OPRM1: variants seen among roughly 807,000 people sequenced by gnomAD.
OPRM1 encodes the protein opioid receptor mu 1.
In OPRM1, 27 loss-of-function variants were observed where a neutral mutation model predicts 31.8. The observed-to-expected ratio is 0.85, with a 90% CI of 0.63 to 1.17. The LOEUF (loss-of-function observed/expected upper bound fraction) is 1.17. OPRM1 is among the 50% of genes most tolerant of loss of function. OPRM1 has a pLI of 0.00. For missense variants in OPRM1, 536 were observed against 511.1 expected, an observed-to-expected ratio of 1.05 and a Z score of -0.47; for synonymous variants, 196 against 189.9, an observed-to-expected ratio of 1.03 and a Z score of -0.26.
chr6:154,039,887 C>CA, intron 1 of OPRM1, 53 bp downstream of exon 1: 1 of 1,467,586 alleles, frequency 6.8e-7, no homozygotes, highest in Non-Finnish European at 9.1e-7. Context: ...TAAGGGGGTA[C>CA]AAAGAGACAC....
chr6:154,195,205 T>G (rs544325982), intron 3 of OPRM1, among the ~76,000 whole-genome samples: 1 of 148,528 alleles, frequency 6.7e-6, no homozygotes, highest in Admixed American at 6.8e-5. Flanking sequence ...TGGAGTGCAG[T>G]GGCACGATCT....
At chr6:154,146,516 T>C (rs1798362075) in intron 3 of OPRM1, among the ~76,000 whole-genome samples, 1 of 152,250 alleles carries the variant, frequency 6.6e-6, no homozygotes, top group Admixed American at 6.5e-5. Flanking sequence ...AGGTATATAA[T>C]GGAGTACTTT....
intron 3 of OPRM1, among the ~76,000 whole-genome samples, chr6:154,209,236 CCAA>C (rs1777758746): frequency 1.3e-5 from 2 of 151,972 alleles, no homozygotes; most frequent in Admixed American, 6.6e-5. Flanking sequence ...AGTACATCAC[CCAA>C]AATAAAATTT....
chr6:154,233,747 C>A (rs991269236), intron 3 of OPRM1, among the ~76,000 whole-genome samples: 21 of 152,144 alleles, frequency 1.4e-4, no homozygotes, highest in Admixed American at 1.2e-3. Flanking sequence ...CCTGTCCTTA[C>A]CACCCAGGGC....
rs374499666 is a variant in OPRM1 at position 154,091,009 on chromosome 6, T to C, written c.701T>C (p.Leu234Pro). 6.2e-7 allele frequency: 1 copy of C among 1,614,118 alleles called. No individual in the cohort carries two copies. Among genetic ancestry groups the C allele is most frequent in the African/African-American group, 1.3e-5 (1 of 75,066 alleles). The change falls in exon 3 of 4, where the codon CTG (leucine) becomes CCG (proline). Residue 234 changes from leucine to proline, a missense_variant. Transcript: ENST00000330432. ...SHPTWYWENL[L>P]KICVFIFAFI... Reference sequence around the variant, plus strand: ...CCAACCTGGTACTGGGAAAACCTGCTGAAGATCTGTGTTTTCATCTTCGCC... The same window carrying C: ...CCAACCTGGTACTGGGAAAACCTGCCGAAGATCTGTGTTTTCATCTTCGCC...
intron 1 of OPRM1, among the ~76,000 whole-genome samples, chr6:154,055,908 T>C (rs1323235898): frequency 6.6e-6 from 1 of 152,232 alleles, no homozygotes; most frequent in Non-Finnish European, 1.5e-5. Context: ...GCTAACTGCA[T>C]GTGACAAAAC....
chr6:154,078,890 A>AG (rs1463206314), intron 1 of OPRM1, among the ~76,000 whole-genome samples: 1 of 152,090 alleles, frequency 6.6e-6, no homozygotes, highest in African/African-American at 2.4e-5. Flanking sequence ...GAGGGGGAAA[A>AG]AAAATCATCC....
chr6:154,159,163 C>G (rs928077202), intron 3 of OPRM1: 2 of 152,358 alleles, frequency 1.3e-5, no homozygotes, highest in Non-Finnish European at 2.9e-5. Context: ...AAACATTAAT[C>G]AGATCCCCTA....
rs1358623009 is a variant in OPRM1, at chr6:154,126,617, A to T, written c.*7896A>T. Among the ~76,000 whole-genome samples, 1 of 152,092 alleles carries T rather than the reference A, an allele frequency of 6.6e-6. No homozygotes were observed. The highest frequency in any genetic ancestry group is 1.9e-4 in the East Asian group (1 of 5,188). The stretch of plus-strand genomic sequence containing the variant: ...TGTCACCACCCTACACTGCTGTGAC[A>T]CCGAAACAACCAAGCCTAGAATCAG... On this transcript the variant is annotated 3_prime_UTR_variant, in exon 4 of 4. Coordinates refer to ENST00000330432, the MANE Select transcript of OPRM1 (RefSeq NM_000914.5).
intron 1 of OPRM1, among the ~76,000 whole-genome samples, chr6:154,089,096 G>C (rs1301474337): frequency 6.6e-6 from 1 of 152,084 alleles, no homozygotes; most frequent in Non-Finnish European, 1.5e-5. Flanking sequence ...CTGTGTGTTT[G>C]TATGTGCATG....
In OPRM1 at chr6:154,118,882, T is replaced by C; in HGVS notation, c.*161T>C. 6.9e-7 allele frequency: 1 copy of C among 1,447,532 alleles called. No individual in the cohort carries two copies. The highest frequency in any genetic ancestry group is 1.5e-5 in the South Asian group (1 of 65,310). 89.7% of individuals were successfully genotyped at this position (1,447,532 alleles called of 1,614,324 possible). A position where few individuals can be genotyped will look rare whatever the true frequency, so the allele number is the denominator to read the frequency against. Reference sequence around the variant, plus strand: ...TCTCTGGCCACTCTGCTCTGCACATTAGAGGGACAGCCAAAAGTAAGTGGA... The same window carrying C: ...TCTCTGGCCACTCTGCTCTGCACATCAGAGGGACAGCCAAAAGTAAGTGGA... On this transcript the variant is annotated 3_prime_UTR_variant, in exon 4 of 4. Coordinates refer to ENST00000330432, the MANE Select transcript of OPRM1 (RefSeq NM_000914.5).
At chr6:154,166,729 T>G (rs1040254873) in intron 3 of OPRM1, among the ~76,000 whole-genome samples, 1 of 152,214 alleles carries the variant, frequency 6.6e-6, no homozygotes, top group East Asian at 1.9e-4. Context: ...CAGGAAATAC[T>G]TGCTCAATGA....
At chr6:154,223,350 A>C in intron 3 of OPRM1, 1 of 869,476 alleles carries the variant, frequency 1.2e-6, no homozygotes, top group Non-Finnish European at 1.9e-6. Context: ...CATGAGGGAG[A>C]ATCAAGAGAT....
At chr6:154,094,246 G>C (rs1245637208) in intron 3 of OPRM1, 11 of 1,285,298 alleles carry the variant, frequency 8.6e-6, no homozygotes, top group African/African-American at 1.5e-5. Context: ...CAGGGTGTCT[G>C]TATTCTGACA....
intron 1 of OPRM1, among the ~76,000 whole-genome samples, chr6:154,015,205 A>G (rs1050018922): frequency 6.6e-6 from 1 of 152,236 alleles, no homozygotes; most frequent in Admixed American, 6.5e-5. Flanking sequence ...TGGGAAAAAA[A>G]GCAAACATAT....
chr6:154,152,311 G>GAAAA lies in OPRM1; in HGVS notation c.1164+60842_1164+60843insAAAA, dbSNP rs756669815. 3.9e-5 allele frequency among the ~76,000 whole-genome samples: 3 copies of GAAAA among 77,920 alleles called. No homozygotes were observed. The South Asian group carries it at 1.3e-3, about 33-fold the overall frequency. The allele number at this position is 77,920 out of a possible 152,430, so 51.1% of individuals were successfully genotyped here. ...AAGGAAGAGAGAAGAAAGAAAGAAA[G>GAAAA]AAAGAAAGAAAGAAAGAAAGAAAGA... On this transcript the variant is annotated intron_variant, in intron 3 of 3. Coordinates refer to the OPRM1 transcript ENST00000337049.
At chr6:154,229,345 G>A (rs897239917) in intron 3 of OPRM1, among the ~76,000 whole-genome samples, 2 of 135,076 alleles carry the variant, frequency 1.5e-5, no homozygotes, top group South Asian at 2.6e-4. Flanking sequence ...AAAGTTTGCC[G>A]GTTTTTTTTT....
intron 3 of OPRM1, among the ~76,000 whole-genome samples, chr6:154,220,662 A>G (rs573367306): frequency 6.6e-6 from 1 of 152,268 alleles, no homozygotes; most frequent in African/African-American, 2.4e-5. Context: ...ATAAATAAAT[A>G]ACAGCTATTG....
intron 3 of OPRM1, among the ~76,000 whole-genome samples, chr6:154,238,489 C>A (rs1042175940): frequency 3.3e-5 from 5 of 152,190 alleles, no homozygotes; most frequent in Non-Finnish European, 4.4e-5. Flanking sequence ...TGGTCTCAAA[C>A]TCCCGACCTC....
Sources: allele counts gnomAD v4.1 joint callset (sites outside exome capture counted in the v4.1 genomes callset), GRCh38; gene constraint gnomAD v4.1.1; transcripts MANE v1.5; gene names NCBI Gene and HGNC (gene_info 2026-07-23, HGNC 2026-07-21).